The following AGBL4 variants were observed in gnomAD, a reference collection of about 807,000 sequenced individuals.
AGBL4 encodes the protein cytosolic carboxypeptidase 6.
In AGBL4, 58 loss-of-function variants were observed where a neutral mutation model predicts 66.4. The observed-to-expected ratio is 0.87, with a 90% CI of 0.71 to 1.09. The LOEUF (loss-of-function observed/expected upper bound fraction) is 1.09, where lower values mean the gene tolerates loss of function less well. Ranked by LOEUF, AGBL4 falls within the 50% of genes least tolerant of loss-of-function variation. The pLI is 0.00. For synonymous variants in AGBL4, 234 were observed against 222.9 expected (o/e 1.05, Z -0.44); for missense variants, 579 against 631.0 (o/e 0.92, Z 0.88).
chr1:48,604,076 T>C (rs1645116748), intron 9 of AGBL4, among the ~76,000 whole-genome samples: 1 of 152,094 alleles, frequency 6.6e-6, no homozygotes, highest in African/African-American at 2.4e-5. Flanking sequence ...GAGGTTGCAG[T>C]GAGCCGAGTT....
intron 3 of AGBL4, among the ~76,000 whole-genome samples, chr1:49,317,194 T>C (rs1391384324): frequency 1.3e-5 from 2 of 151,962 alleles, no homozygotes; most frequent in African/African-American, 4.8e-5. Flanking sequence ...TTTGGTTATC[T>C]ATATTTTCAA....
intron 6 of AGBL4, among the ~76,000 whole-genome samples, chr1:48,851,503 C>T (rs1302377396): frequency 6.6e-6 from 1 of 152,146 alleles, no homozygotes; most frequent in Non-Finnish European, 1.5e-5. Context: ...GAGATGCTTC[C>T]CTATGCACCG....
chr1:49,131,901 T>C (rs747908053), intron 4 of AGBL4, among the ~76,000 whole-genome samples: 6 of 152,070 alleles, frequency 3.9e-5, no homozygotes, highest in Non-Finnish European at 8.8e-5. Context: ...GGAGTGCCTA[T>C]AATACATCAA....
intron 3 of AGBL4, among the ~76,000 whole-genome samples, chr1:49,414,660 T>C (rs1449636257): frequency 6.6e-6 from 1 of 152,146 alleles, no homozygotes; most frequent in African/African-American, 2.4e-5. Flanking sequence ...GTGGTGCTCA[T>C]CTTTAAGAAG....
In AGBL4 at chr1:49,486,712, C is replaced by G. The variant is rs142196005; in HGVS notation, c.282+210601G>C. Among the ~76,000 whole-genome samples, 21 of 152,108 alleles carry G rather than the reference C, an allele frequency of 1.4e-4. No individual in the cohort carries two copies. In the East Asian group the frequency reaches 4.1e-3, roughly 29 times the overall value. ...TCCCATTGTCCCATCTCTAGAAAAA[C>G]GTCGGCGTAAGTAATCATTCCTCAC... On this transcript the variant is annotated intron_variant, in intron 3 of 13. Coordinates refer to ENST00000371839, the MANE Select transcript of AGBL4 (RefSeq NM_032785.4).
chr1:48,929,110 C>T (rs1451613363), intron 5 of AGBL4, among the ~76,000 whole-genome samples: 1 of 152,206 alleles, frequency 6.6e-6, no homozygotes, highest in South Asian at 2.1e-4. Context: ...GCTGGCATGT[C>T]TCTGAGATGG....
intron 3 of AGBL4, among the ~76,000 whole-genome samples, chr1:49,347,586 G>T (rs750519420): frequency 6.6e-6 from 1 of 152,004 alleles, no homozygotes; most frequent in Non-Finnish European, 1.5e-5. Context: ...TCAGCTGGGC[G>T]TGGAGGCTCA....
At chr1:49,596,659 A>G (rs1293391290) in intron 3 of AGBL4, among the ~76,000 whole-genome samples, 1 of 152,212 alleles carries the variant, frequency 6.6e-6, no homozygotes, top group African/African-American at 2.4e-5. Flanking sequence ...ATCATTTACA[A>G]TGAAAGTGAA....
chr1:49,237,051 C>T (rs1046066961), intron 4 of AGBL4, among the ~76,000 whole-genome samples: 42 of 150,964 alleles, frequency 2.8e-4, no homozygotes, highest in South Asian at 1.7e-3. Flanking sequence ...GTTAGGAGAT[C>T]GAGACCATCC....
chr1:49,640,718 T>C (rs953774209), intron 3 of AGBL4, among the ~76,000 whole-genome samples: 4 of 152,170 alleles, frequency 2.6e-5, no homozygotes, highest in Admixed American at 6.6e-5. Flanking sequence ...CTTGGAGAGA[T>C]GCATTTTTAT....
intron 3 of AGBL4, among the ~76,000 whole-genome samples, chr1:49,357,362 C>T (rs1279088882): frequency 2.0e-5 from 3 of 152,150 alleles, no homozygotes; most frequent in African/African-American, 7.2e-5. Context: ...GATGAATTAT[C>T]TGCAACTTAC....
At chr1:49,931,299 G>A (rs1471191041) in intron 1 of AGBL4, among the ~76,000 whole-genome samples, 1 of 152,226 alleles carries the variant, frequency 6.6e-6, no homozygotes, top group African/African-American at 2.4e-5. Flanking sequence ...AAAGAATATT[G>A]TTAAGATAGT....
At chr1:48,814,770 T>C (rs1646136721) in intron 6 of AGBL4, among the ~76,000 whole-genome samples, 2 of 152,174 alleles carry the variant, frequency 1.3e-5, no homozygotes, top group African/African-American at 2.4e-5. Flanking sequence ...TAGTATTCCA[T>C]TGTGTATATA....
chr1:49,943,144 T>C (rs1338019737), intron 1 of AGBL4, among the ~76,000 whole-genome samples: 1 of 152,090 alleles, frequency 6.6e-6, no homozygotes, highest in Non-Finnish European at 1.5e-5. Context: ...AGAATGGTTA[T>C]GAGCAAAGAG....
intron 3 of AGBL4, among the ~76,000 whole-genome samples, chr1:49,622,341 T>G (rs1645376654): frequency 6.6e-6 from 1 of 151,932 alleles, no homozygotes. Context: ...ATGGGAATAA[T>G]AATGTTGGCC....
chr1:49,932,256 T>C (rs1405791536), intron 1 of AGBL4, among the ~76,000 whole-genome samples: 1 of 152,086 alleles, frequency 6.6e-6, no homozygotes, highest in Non-Finnish European at 1.5e-5. Context: ...GTCAAGAAAA[T>C]ATAATAGTCA....
At chr1:48,930,422 T>A (rs1462852275) in intron 5 of AGBL4, among the ~76,000 whole-genome samples, 1 of 152,122 alleles carries the variant, frequency 6.6e-6, no homozygotes, top group East Asian at 1.9e-4. Context: ...TGGTCCCTCA[T>A]CTTTAAGTTT....
intron 3 of AGBL4, among the ~76,000 whole-genome samples, chr1:49,321,627 A>G (rs984614692): frequency 6.6e-6 from 1 of 152,218 alleles, no homozygotes; most frequent in Non-Finnish European, 1.5e-5. Context: ...CCACATGCAT[A>G]TGCTTAATGC....
At chr1:49,663,199 T>TAGAAGGGC in intron 3 of AGBL4, among the ~76,000 whole-genome samples, 1 of 152,236 alleles carries the variant, frequency 6.6e-6, no homozygotes, top group Admixed American at 6.6e-5. Context: ...TAAGAAGACA[T>TAGAAGGGC]AGAAGGGCAG....
Sources: gnomAD v4.1 joint callset for allele counts (sites outside exome capture counted in the v4.1 genomes callset) on GRCh38, gnomAD v4.1.1 for gene constraint, MANE v1.5 for transcripts, NCBI Gene and HGNC (gene_info 2026-07-23, HGNC 2026-07-21) for gene names.